TAFA4: variants seen among roughly 807,000 people sequenced by gnomAD.
TAFA4 encodes the protein TAFA chemokine like family member 4.
Under a neutral mutation model 21.1 loss-of-function variants are expected in TAFA4, and 20 were observed. The ratio of observed to expected loss-of-function variants is 0.95; its 90% CI spans 0.67 to 1.38. The LOEUF (loss-of-function observed/expected upper bound fraction) is 1.38, where lower values mean the gene tolerates loss of function less well. Among genes scored for constraint, TAFA4 ranks in the 40% most tolerant of loss-of-function variants. The probability of loss-of-function intolerance (pLI) is 0.00; values close to 1 mark genes in which losing one functional copy is unlikely to be tolerated. For missense variants in TAFA4, 211 were observed against 180.9 expected (o/e 1.17, Z -0.95); for synonymous variants, 71 against 67.4 (o/e 1.05, Z -0.26).
intron 3 of TAFA4, among the ~76,000 whole-genome samples, chr3:68,757,622 C>G (rs1458272794): frequency 6.6e-6 from 1 of 152,178 alleles, no homozygotes; most frequent in Admixed American, 6.5e-5. Flanking sequence ...GCTATATAAC[C>G]ATCCACAAGT....
intron 3 of TAFA4, among the ~76,000 whole-genome samples, chr3:68,788,042 G>A (rs115305634): frequency 6.6e-6 from 1 of 152,232 alleles, no homozygotes; most frequent in South Asian, 2.1e-4. Flanking sequence ...GGTAAGACTA[G>A]TTCCTTTAGG....
chr3:68,761,660 A>G (rs935466549), intron 3 of TAFA4, among the ~76,000 whole-genome samples: 1 of 152,194 alleles, frequency 6.6e-6, no homozygotes, highest in Non-Finnish European at 1.5e-5. Flanking sequence ...AAGCCACTGG[A>G]TATTTTGAGC....
chr3:68,819,826 A>G (rs73108640), intron 3 of TAFA4, among the ~76,000 whole-genome samples: 1 of 152,316 alleles, frequency 6.6e-6, no homozygotes, highest in Non-Finnish European at 1.5e-5. Context: ...ACGCTTACAC[A>G]CTGTTGGTGG....
At chr3:68,861,767 G>C (rs975121367) in intron 3 of TAFA4, among the ~76,000 whole-genome samples, 7 of 151,988 alleles carry the variant, frequency 4.6e-5, no homozygotes, top group Admixed American at 4.6e-4. Context: ...AGGGAGAAAA[G>C]GGAAGTAGAA....
At chr3:68,771,554 G>A (rs975814700) in intron 3 of TAFA4, among the ~76,000 whole-genome samples, 9 of 152,170 alleles carry the variant, frequency 5.9e-5, no homozygotes, top group Admixed American at 5.9e-4. Context: ...ATGGAACTAG[G>A]AGTAAACATT....
rs1702153076 is a variant in TAFA4 at position 68,731,810 on chromosome 3, A to G, written c.*1332T>C. On this transcript the variant is annotated 3_prime_UTR_variant, in exon 6 of 6. Transcript: ENST00000295569. ...TTTTTTACTTATTCATATGATCATA[A>G]CAAATATTCAAAAATTACGCCAACA... 1 of 152,162 alleles carries G rather than the reference A, an allele frequency of 6.6e-6. No homozygotes were observed. The highest frequency in any genetic ancestry group is 1.5e-5 in the Non-Finnish European group (1 of 68,018). 9.4% of individuals were successfully genotyped at this position (152,162 alleles called of 1,614,324 possible).
intron 3 of TAFA4, among the ~76,000 whole-genome samples, chr3:68,846,511 A>G (rs1704801278): frequency 6.6e-6 from 1 of 151,908 alleles, no homozygotes; most frequent in African/African-American, 2.4e-5. Context: ...TTTGAGGCCT[A>G]CTTCTGTCAA....
intron 4 of TAFA4, among the ~76,000 whole-genome samples, chr3:68,741,936 T>C (rs1187059973): frequency 1.3e-5 from 2 of 152,202 alleles, no homozygotes; most frequent in African/African-American, 2.4e-5. Flanking sequence ...AAGAAAATTA[T>C]AGGCCAATAT....
In TAFA4 at chr3:68,775,712, C is replaced by T. The variant is rs967654245; in HGVS notation, c.131-22694G>A. 2.0e-5 allele frequency among the ~76,000 whole-genome samples: 3 copies of T among 152,068 alleles called. No individual in the cohort carries two copies. In the East Asian group the frequency reaches 5.8e-4, roughly 29 times the overall value. The stretch of plus-strand genomic sequence containing the variant: ...AGTAGCAACACTCCAGAGCTGAAGG[C>T]AAGGGAAGGCTGTGGGGACCCGGGC... On this transcript the variant is annotated intron_variant, in intron 3 of 5. Coordinates refer to ENST00000295569, the MANE Select transcript of TAFA4 (RefSeq NM_182522.5).
chr3:68,906,678 G>C (rs2089904095), intron 1 of TAFA4, among the ~76,000 whole-genome samples: 1 of 152,064 alleles, frequency 6.6e-6, no homozygotes, highest in Non-Finnish European at 1.5e-5. Context: ...GTGTTTTAAA[G>C]GTGCTGCCTT....
chr3:68,931,297 G>C (rs1235658164), intron 1 of TAFA4, among the ~76,000 whole-genome samples: 1 of 152,184 alleles, frequency 6.6e-6, no homozygotes, highest in South Asian at 2.1e-4. Flanking sequence ...CTCGGTGACG[G>C]GGGATGGGCA....
chr3:68,854,020 A>C (rs1559543941), intron 3 of TAFA4, among the ~76,000 whole-genome samples: 1 of 152,184 alleles, frequency 6.6e-6, no homozygotes, highest in African/African-American at 2.4e-5. Context: ...ATAAATGAAA[A>C]TATAATTATT....
At chr3:68,914,512 T>C (rs1042610754) in intron 1 of TAFA4, among the ~76,000 whole-genome samples, 1 of 152,216 alleles carries the variant, frequency 6.6e-6, no homozygotes, top group Non-Finnish European at 1.5e-5. Flanking sequence ...GTATATGTGA[T>C]GTGACCTTAT....
chr3:68,767,948 T>TA (rs138206792), intron 3 of TAFA4, among the ~76,000 whole-genome samples: 30,818 of 150,430 alleles, frequency 0.2, 3,933 homozygotes, highest in East Asian at 0.61. Flanking sequence ...ATTTTCAGGT[T>TA]AAAAAAAAAA....
intron 3 of TAFA4, among the ~76,000 whole-genome samples, chr3:68,851,935 G>A (rs1324815022): frequency 6.6e-6 from 1 of 152,060 alleles, no homozygotes; most frequent in Non-Finnish European, 1.5e-5. Flanking sequence ...GACCAGGAGG[G>A]CTCCTTAAAA....
At chr3:68,763,517 A>C (rs1028419326) in intron 3 of TAFA4, among the ~76,000 whole-genome samples, 8 of 152,178 alleles carry the variant, frequency 5.3e-5, no homozygotes. Flanking sequence ...AGATATTACA[A>C]GAAAAGTTAT....
intron 4 of TAFA4, 59 bp from the exon 5 acceptor site, chr3:68,739,258 AAAT>A: frequency 1.3e-6 from 2 of 1,595,790 alleles, no homozygotes; most frequent in East Asian, 4.5e-5. Flanking sequence ...AAGATGGACA[AAAT>A]AAAACTCAAT....
chr3:68,903,555 A>G (rs545332485), intron 1 of TAFA4, among the ~76,000 whole-genome samples: 5 of 152,352 alleles, frequency 3.3e-5, no homozygotes, highest in Admixed American at 2.0e-4. Flanking sequence ...AGAAGCACAC[A>G]TATTCTATAT....
chr3:68,923,563 T>C (rs796070929), intron 1 of TAFA4, among the ~76,000 whole-genome samples: 1 of 152,184 alleles, frequency 6.6e-6, no homozygotes, highest in African/African-American at 2.4e-5. Context: ...TGATTATCAA[T>C]TGACAAAGGA....
Sources: gnomAD v4.1 joint callset for allele counts (sites outside exome capture counted in the v4.1 genomes callset) on GRCh38, gnomAD v4.1.1 for gene constraint, MANE v1.5 for transcripts, NCBI Gene and HGNC (gene_info 2026-07-23, HGNC 2026-07-21) for gene names.